PDE4D: variants seen among roughly 807,000 people sequenced by gnomAD.
The protein encoded by PDE4D is phosphodiesterase 4D, also known as 3',5'-cyclic-AMP phosphodiesterase 4D.
A neutral mutation model predicts 87.4 loss-of-function variants in PDE4D; 24 were observed. The ratio of observed to expected loss-of-function variants is 0.27; its 90% confidence interval spans 0.20 to 0.39. PDE4D has a LOEUF of 0.39. Ranked by LOEUF, PDE4D falls within the 10% of genes least tolerant of loss-of-function variation. The pLI is 1.00. For missense variants in PDE4D, 714 were observed against 1,041.0 expected, an observed-to-expected ratio of 0.69 and a Z score of 4.32; for synonymous variants, 384 against 383.2, an observed-to-expected ratio of 1.00 and a Z score of -0.02.
At chr5:60,414,420 A>T (rs1583673853) in intron 1 of PDE4D, among the ~76,000 whole-genome samples, 2 of 152,350 alleles carry the variant, frequency 1.3e-5, no homozygotes, top group South Asian at 4.1e-4. Flanking sequence ...GCCCATCCAG[A>T]GATAAAGCTA....
chr5:59,888,083 T>A (rs1750432193), intron 1 of PDE4D, among the ~76,000 whole-genome samples: 1 of 152,224 alleles, frequency 6.6e-6, no homozygotes, highest in African/African-American at 2.4e-5. Flanking sequence ...ACTAGGTTAG[T>A]TTAAGCCTCA....
chr5:59,433,104 G>T (rs1796342984), intron 1 of PDE4D, among the ~76,000 whole-genome samples: 1 of 151,672 alleles, frequency 6.6e-6, no homozygotes, highest in African/African-American at 2.4e-5. Context: ...AGAGTCTGAA[G>T]AACAAAAGCT....
At chr5:60,154,283 CT>C (rs11312023) in intron 2 of PDE4D, among the ~76,000 whole-genome samples, 101,396 of 149,686 alleles carry the variant, frequency 0.68, 34,613 homozygotes, top group Middle Eastern at 0.71. Flanking sequence ...CTATTAACTT[CT>C]TTTTTTTTTT....
chr5:60,337,930 A>G (rs1175138486), intron 1 of PDE4D, among the ~76,000 whole-genome samples: 1 of 152,188 alleles, frequency 6.6e-6, no homozygotes, highest in South Asian at 2.1e-4. Flanking sequence ...AATAATAAAA[A>G]AAAAGACATA....
chr5:59,686,426 G>A (rs1388216177), intron 1 of PDE4D, among the ~76,000 whole-genome samples: 1 of 152,072 alleles, frequency 6.6e-6, no homozygotes, highest in Non-Finnish European at 1.5e-5. Context: ...AGTTTTCACA[G>A]GCTCTCAGAT....
At chr5:59,086,537 T>C (rs1767714053) in intron 5 of PDE4D, among the ~76,000 whole-genome samples, 1 of 152,172 alleles carries the variant, frequency 6.6e-6, no homozygotes, top group Non-Finnish European at 1.5e-5. Flanking sequence ...ATTGCCTGTG[T>C]GAGTACCTTC....
chr5:59,208,385 C>T (rs1211810249), intron 2 of PDE4D, among the ~76,000 whole-genome samples: 3 of 152,168 alleles, frequency 2.0e-5, no homozygotes, highest in African/African-American at 7.2e-5. Context: ...ACATTTATCC[C>T]TCTATCTCTC....
chr5:59,091,227 C>G, intron 5 of PDE4D: 1 of 416,518 alleles, frequency 2.4e-6, no homozygotes, highest in Admixed American at 2.8e-5. Context: ...CAAATGCTTT[C>G]TGCTTATCTG....
chr5:59,588,028 T>A (rs778526619), intron 1 of PDE4D, among the ~76,000 whole-genome samples: 17 of 152,150 alleles, frequency 1.1e-4, no homozygotes, highest in Non-Finnish European at 2.4e-4. Context: ...GGAAGCCTTG[T>A]TTACTTGATG....
Position 59,275,619 on chromosome 5 carries a change from C to A in PDE4D, c.456-59651G>T. On this transcript the variant is annotated intron_variant, in intron 1 of 14. Transcript: ENST00000340635. ...TTTCTTCCTTCATACTGAATTTACT[C>A]CAGTACTAGGCTGTTAGGAAGTGAC... 2.2e-6 allele frequency: 3 copies of A among 1,334,326 alleles called. No individual in the cohort carries two copies. The South Asian group carries it at 5.9e-5, about 26-fold the overall frequency. The allele number at this position is 1,334,326 out of a possible 1,614,324, so 82.7% of individuals were successfully genotyped here.
chr5:60,421,480 G>A (rs923502344), intron 1 of PDE4D, among the ~76,000 whole-genome samples: 29 of 152,290 alleles, frequency 1.9e-4, no homozygotes, highest in African/African-American at 7.0e-4. Context: ...CTAACAAACA[G>A]AAAGGAATAG....
intron 2 of PDE4D, among the ~76,000 whole-genome samples, chr5:60,136,563 C>A (rs1244124831): frequency 6.6e-6 from 1 of 152,162 alleles, no homozygotes; most frequent in East Asian, 1.9e-4. Flanking sequence ...GATCCACCCT[C>A]CTTGGCCTAC....
At chr5:59,515,263 AT>A (rs1261330489) in intron 1 of PDE4D, among the ~76,000 whole-genome samples, 1 of 152,220 alleles carries the variant, frequency 6.6e-6, no homozygotes, top group Non-Finnish European at 1.5e-5. Flanking sequence ...CTCCATTTCT[AT>A]TTAACAGTCT....
intron 1 of PDE4D, among the ~76,000 whole-genome samples, chr5:59,709,789 T>C (rs1485251098): frequency 1.3e-5 from 2 of 152,152 alleles, no homozygotes; most frequent in African/African-American, 2.4e-5. Context: ...GAAAATAGCA[T>C]GGTTAGCTTA....
At chr5:59,605,580 A>G (rs1407466310) in intron 1 of PDE4D, among the ~76,000 whole-genome samples, 1 of 152,134 alleles carries the variant, frequency 6.6e-6, no homozygotes, top group Non-Finnish European at 1.5e-5. Flanking sequence ...CATTTATCCC[A>G]GGAGTACCAA....
At chr5:59,573,325 C>A (rs1282958606) in intron 1 of PDE4D, among the ~76,000 whole-genome samples, 3 of 152,144 alleles carry the variant, frequency 2.0e-5, no homozygotes, top group African/African-American at 2.4e-5. Flanking sequence ...TTTTGATTCA[C>A]ATGCCACCAA....
chr5:60,289,523 A>T (rs1752704096), intron 1 of PDE4D, among the ~76,000 whole-genome samples: 1 of 152,066 alleles, frequency 6.6e-6, no homozygotes, highest in Admixed American at 6.6e-5. Flanking sequence ...GAAGGTTATC[A>T]ACTCTTTCCC....
At chr5:59,121,040 C>T (rs954115341) in intron 5 of PDE4D, among the ~76,000 whole-genome samples, 3 of 152,158 alleles carry the variant, frequency 2.0e-5, no homozygotes, top group Non-Finnish European at 4.4e-5. Context: ...AGACCCCTAT[C>T]TCTCACCATA....
At chr5:59,713,521 T>A (rs1754522854) in intron 1 of PDE4D, among the ~76,000 whole-genome samples, 1 of 152,050 alleles carries the variant, frequency 6.6e-6, no homozygotes, top group South Asian at 2.1e-4. Flanking sequence ...CCTCTAGTGT[T>A]TTTCCAGCTA....
Sources: allele counts gnomAD v4.1 joint callset (sites outside exome capture counted in the v4.1 genomes callset), GRCh38; gene constraint gnomAD v4.1.1; transcripts MANE v1.5; gene names NCBI Gene and HGNC (gene_info 2026-07-23, HGNC 2026-07-21).